The following LMBR1 variants were observed in gnomAD, a reference collection of about 807,000 sequenced individuals.
LMBR1 encodes the protein limb development membrane protein 1, also known as limb region 1 protein homolog.
Under a neutral mutation model 73.9 loss-of-function variants are expected in LMBR1, and 52 were observed. That is an observed-to-expected ratio of 0.70 (90% CI 0.56 to 0.89). LMBR1 has a LOEUF of 0.89. Among genes scored for constraint, LMBR1 ranks in the 40% least tolerant of loss-of-function variants. The probability of loss-of-function intolerance (pLI) is 0.00; values close to 1 mark genes in which losing one functional copy is unlikely to be tolerated. For missense variants in LMBR1, 539 were observed against 579.8 expected, an observed-to-expected ratio of 0.93 and a Z score of 0.72; for synonymous variants, 215 against 209.4, an observed-to-expected ratio of 1.03 and a Z score of -0.23.
intron 8 of LMBR1, among the ~76,000 whole-genome samples, chr7:156,760,024 CA>C (rs1248639756): frequency 6.6e-6 from 1 of 152,022 alleles, no homozygotes; most frequent in Non-Finnish European, 1.5e-5. Flanking sequence ...AGCAGGTGAC[CA>C]GGGGTGACTC....
At chr7:156,844,064 C>A (rs778630737) in intron 1 of LMBR1, among the ~76,000 whole-genome samples, 54 of 152,096 alleles carry the variant, frequency 3.6e-4, no homozygotes, top group Admixed American at 1.7e-3. Context: ...TGGCTCACAC[C>A]GGTAATCCCA....
chr7:156,870,426 A>T (rs528042906), intron 1 of LMBR1, among the ~76,000 whole-genome samples: 1 of 152,332 alleles, frequency 6.6e-6, no homozygotes, highest in African/African-American at 2.4e-5. Context: ...TAAACACCAC[A>T]TTCTGAACAC....
chr7:156,712,155 A>C (rs1219122942), intron 15 of LMBR1, among the ~76,000 whole-genome samples: 1 of 152,178 alleles, frequency 6.6e-6, no homozygotes, highest in African/African-American at 2.4e-5. Flanking sequence ...AACAACAATA[A>C]CAAAAATGAC....
chr7:156,685,910 A>T lies in LMBR1; in HGVS notation c.1388-1747T>A, dbSNP rs1273157703. On this transcript the variant is annotated intron_variant, in intron 16 of 16. Coordinates refer to ENST00000353442, the MANE Select transcript of LMBR1 (RefSeq NM_022458.4). The surrounding 1 kb of genome is among the most constrained non-coding windows in gnomAD (Gnocchi z 4.1). ...CTCATAAACTAATATAGCACTCCAA[A>T]TTTTAATCTTCCTGTCACCTGCATA... Among the ~76,000 whole-genome samples the T allele has an allele frequency of 6.6e-6, 1 of 152,192 alleles. No homozygotes were observed. The highest frequency in any genetic ancestry group is 2.4e-5 in the African/African-American group (1 of 41,444).
rs1017273350 is a variant in LMBR1 at position 156,670,658 on chromosome 7, C to A, written n.867-1371G>T. Among the ~76,000 whole-genome samples the A allele has an allele frequency of 6.6e-6, 1 of 152,150 alleles. No individual in the cohort carries two copies. Among genetic ancestry groups the A allele is most frequent in the African/African-American group, 2.4e-5 (1 of 41,436 alleles). ...AGACGATGGCAAACCCTGGGACCTG[C>A]AGATTTCCCAGTGGGAGCGGCAGAA... On this transcript the variant is annotated intron_variant and non_coding_transcript_variant, in intron 4 of 4. Coordinates refer to the LMBR1 transcript ENST00000430825. The surrounding 1 kb of genome is among the most constrained non-coding windows in gnomAD (Gnocchi z 4.3).
chr7:156,856,475 C>T (rs1307967519), intron 1 of LMBR1, among the ~76,000 whole-genome samples: 1 of 152,052 alleles, frequency 6.6e-6, no homozygotes, highest in Non-Finnish European at 1.5e-5. Flanking sequence ...AATCCCAGCA[C>T]TGTGGGAGGC....
At chr7:156,859,566 G>T (rs1797447337) in intron 1 of LMBR1, among the ~76,000 whole-genome samples, 1 of 122,838 alleles carries the variant, frequency 8.1e-6, no homozygotes, top group Admixed American at 8.6e-5. Flanking sequence ...ACTGGAATTT[G>T]AAATAAAAAA....
At chr7:156,815,224 TAAC>T (rs1253841312) in intron 4 of LMBR1, among the ~76,000 whole-genome samples, 2 of 147,834 alleles carry the variant, frequency 1.4e-5, no homozygotes, top group Non-Finnish European at 1.5e-5. Flanking sequence ...TTAGACCATA[TAAC>T]AACAACAAAA....
intron 4 of LMBR1, among the ~76,000 whole-genome samples, chr7:156,825,343 C>A (rs980383290): frequency 8.5e-5 from 13 of 152,180 alleles, no homozygotes; most frequent in Admixed American, 2.0e-4. Context: ...TTACTAGTAA[C>A]ACAAATCAAC....
chr7:156,839,640 T>C (rs1838293099), intron 1 of LMBR1, among the ~76,000 whole-genome samples: 1 of 152,168 alleles, frequency 6.6e-6, no homozygotes, highest in Non-Finnish European at 1.5e-5. Context: ...ACCAGGATAG[T>C]GGACATTCCC....
chr7:156,732,758 A>G (rs1457372939), intron 10 of LMBR1, among the ~76,000 whole-genome samples: 1 of 152,214 alleles, frequency 6.6e-6, no homozygotes, highest in Non-Finnish European at 1.5e-5. Context: ...CCCCTGGTCC[A>G]GCCTAAAAAG....
intron 2 of LMBR1, among the ~76,000 whole-genome samples, chr7:156,835,821 G>A (rs917723544): frequency 1.3e-5 from 2 of 151,798 alleles, no homozygotes; most frequent in African/African-American, 2.4e-5. Context: ...CCACTCCTGC[G>A]TTACTCTAAA....
At chr7:156,807,343 C>A (rs1331000339) in intron 4 of LMBR1, among the ~76,000 whole-genome samples, 1 of 152,122 alleles carries the variant, frequency 6.6e-6, no homozygotes, top group Admixed American at 6.6e-5. Flanking sequence ...GACAGTAAAT[C>A]CTCCTGGCCT....
At position 156,773,784 on chromosome 7, in the gene LMBR1, A is replaced by C. The variant is rs576164249; in HGVS notation, c.424-9989T>G. ...ACCTAGGAAATACCATTCTAAACAG[A>C]GGCCCTGGCAAAGATTTCAGGATGA... On this transcript the variant is annotated intron_variant, in intron 5 of 16. Coordinates refer to ENST00000353442, the MANE Select transcript of LMBR1 (RefSeq NM_022458.4). 6.6e-5 allele frequency among the ~76,000 whole-genome samples: 10 copies of C among 152,314 alleles called. No individual in the cohort carries two copies. The East Asian group carries it at 1.9e-3, about 29-fold the overall frequency.
intron 9 of LMBR1, among the ~76,000 whole-genome samples, chr7:156,735,778 G>C (rs1817750327): frequency 6.6e-6 from 1 of 151,418 alleles, no homozygotes; most frequent in Admixed American, 6.6e-5. Flanking sequence ...TACCTATCTT[G>C]CTTGCTTACT....
chr7:156,801,296 G>T (rs1830920013), intron 4 of LMBR1, among the ~76,000 whole-genome samples: 3 of 152,150 alleles, frequency 2.0e-5, no homozygotes, highest in African/African-American at 7.2e-5. Context: ...CCAGCAAAAA[G>T]ATTACAGCTC....
Position 156,762,116 on chromosome 7 carries a change from T to C in LMBR1, c.684+18A>G, listed in dbSNP as rs867668464. 2 of 1,475,910 alleles carry C rather than the reference T, an allele frequency of 1.4e-6. No individual in the cohort carries two copies. Among genetic ancestry groups the C allele is most frequent in the Non-Finnish European group, 1.9e-6 (2 of 1,057,454 alleles). The allele number at this position is 1,475,910 out of a possible 1,614,324, so 91.4% of individuals were successfully genotyped here. ...ACATTTATTTAATAAACAAAATGAT[T>C]TATAATTAAATACTTACTGTTGGCT... On this transcript the variant is annotated intron_variant, in intron 8 of 16. Transcript: ENST00000353442.
intron 9 of LMBR1, among the ~76,000 whole-genome samples, chr7:156,743,242 A>G (rs1033160370): frequency 1.3e-5 from 2 of 152,144 alleles, no homozygotes; most frequent in African/African-American, 4.8e-5. Context: ...CAAATGACTT[A>G]CGATTTAGCT....
intron 4 of LMBR1, among the ~76,000 whole-genome samples, chr7:156,824,397 T>C (rs1039074645): frequency 5.3e-5 from 8 of 152,280 alleles, no homozygotes; most frequent in African/African-American, 1.9e-4. Flanking sequence ...AATAAGTATA[T>C]TTATCTTACA....
Sources: gnomAD v4.1 joint callset for allele counts (sites outside exome capture counted in the v4.1 genomes callset) on GRCh38, gnomAD v4.1.1 for gene constraint, Gnocchi (gnomAD v3.1) non-coding constraint, MANE v1.5 for transcripts, NCBI Gene and HGNC (gene_info 2026-07-23, HGNC 2026-07-21) for gene names.